The following CTTNBP2NL variants were observed in gnomAD, a reference collection of about 807,000 sequenced individuals.
The protein encoded by CTTNBP2NL is CTTNBP2 N-terminal-like protein.
CTTNBP2NL carries 16 observed loss-of-function variants against 32.5 expected under a neutral mutation model. The observed-to-expected ratio is 0.49, with a 90% CI of 0.33 to 0.75. The LOEUF is 0.75. CTTNBP2NL is among the 30% of genes least tolerant of loss of function. CTTNBP2NL has a pLI of 0.02. For synonymous variants in CTTNBP2NL, 298 were observed against 289.4 expected, an observed-to-expected ratio of 1.03 and a Z score of -0.30; for missense variants, 645 against 756.0, an observed-to-expected ratio of 0.85 and a Z score of 1.72.
At chr1:112,391,170 A>G in the CTTNBP2NL span, among the ~76,000 whole-genome samples, 1 of 152,224 alleles carries the variant, frequency 6.6e-6, no homozygotes, top group Non-Finnish European at 1.5e-5. Flanking sequence ...GCAGAAATGC[A>G]GGGGGCAGTG....
At chr1:112,441,986 A>T (rs1157258828) in intron 3 of CTTNBP2NL, among the ~76,000 whole-genome samples, 1 of 152,224 alleles carries the variant, frequency 6.6e-6, no homozygotes, top group Non-Finnish European at 1.5e-5. Flanking sequence ...AACTGGAACA[A>T]ATGTACCACT....
intron 4 of CTTNBP2NL, among the ~76,000 whole-genome samples, chr1:112,450,488 G>A (rs1168000786): frequency 6.6e-6 from 1 of 152,118 alleles, no homozygotes; most frequent in East Asian, 1.9e-4. Context: ...CCTAAATTGG[G>A]TGGAGGGGGA....
At chr1:112,419,537 A>G (rs953827834) in intron 3 of CTTNBP2NL, among the ~76,000 whole-genome samples, 12 of 141,770 alleles carry the variant, frequency 8.5e-5, no homozygotes, top group Admixed American at 5.2e-4. Flanking sequence ...AGTTGTATCC[A>G]AGTTGTGGCA....
chr1:112,445,444 T>C (rs753945414), intron 3 of CTTNBP2NL, among the ~76,000 whole-genome samples: 5 of 152,182 alleles, frequency 3.3e-5, no homozygotes, highest in African/African-American at 7.2e-5. Flanking sequence ...CCTGACTGAA[T>C]CATTAAGTTG....
chr1:112,395,839 C>T (rs1031721679), upstream of CTTNBP2NL, among the ~76,000 whole-genome samples: 5 of 152,228 alleles, frequency 3.3e-5, no homozygotes, highest in Non-Finnish European at 1.5e-5. Flanking sequence ...AAATCCCAAT[C>T]GATTAGGCCA....
At chr1:112,423,755 G>A (rs1277825523) in intron 3 of CTTNBP2NL, among the ~76,000 whole-genome samples, 5 of 152,118 alleles carry the variant, frequency 3.3e-5, no homozygotes, top group Non-Finnish European at 5.9e-5. Flanking sequence ...ACGGAGTCTC[G>A]CTGTGTCGCC....
At chr1:112,396,408 C>T (rs988662559) in intron 1 of CTTNBP2NL, 136 bp downstream of exon 1, 1 of 152,272 alleles carries the variant, frequency 6.6e-6, no homozygotes, top group African/African-American at 2.4e-5. Context: ...GGGGCGGGGC[C>T]GTCTCCTCCA....
chr1:112,394,365 G>A (rs764686028), upstream of CTTNBP2NL, among the ~76,000 whole-genome samples: 1 of 152,172 alleles, frequency 6.6e-6, no homozygotes, highest in Non-Finnish European at 1.5e-5. Context: ...CATAGGCAGA[G>A]CGAAAGGGAG....
intron 3 of CTTNBP2NL, among the ~76,000 whole-genome samples, chr1:112,426,803 A>G (rs1649418360): frequency 1.3e-5 from 2 of 151,964 alleles, no homozygotes; most frequent in Admixed American, 1.3e-4. Context: ...ACAAGGTTTC[A>G]CCATATTGGC....
At chr1:112,392,148 T>C (rs1648204964), upstream of CTTNBP2NL, among the ~76,000 whole-genome samples, 1 of 152,228 alleles carries the variant, frequency 6.6e-6, no homozygotes, top group Middle Eastern at 3.2e-3. Context: ...GGAGAGATGA[T>C]AGAGCATAGT....
intron 1 of CTTNBP2NL, among the ~76,000 whole-genome samples, chr1:112,397,036 T>A (rs1648351661): frequency 6.6e-6 from 1 of 152,212 alleles, no homozygotes; most frequent in African/African-American, 2.4e-5. Context: ...TGCGTTTCAT[T>A]TTTCCTTTTC....
intron 4 of CTTNBP2NL, among the ~76,000 whole-genome samples, chr1:112,449,959 C>A (rs899556059): frequency 2.0e-5 from 3 of 152,170 alleles, no homozygotes; most frequent in African/African-American, 7.2e-5. Flanking sequence ...AACTTGTCAT[C>A]TTGTCATTTA....
chr1:112,393,722 A>T (rs917278726), upstream of CTTNBP2NL, among the ~76,000 whole-genome samples: 5 of 152,220 alleles, frequency 3.3e-5, no homozygotes, highest in African/African-American at 1.2e-4. Flanking sequence ...GAATCCTACA[A>T]GGCAGGGATG....
chr1:112,439,488 C>T (rs1300462611), intron 3 of CTTNBP2NL, among the ~76,000 whole-genome samples: 1 of 152,174 alleles, frequency 6.6e-6, no homozygotes, highest in Non-Finnish European at 1.5e-5. Flanking sequence ...TACGCAGCTT[C>T]AGATCTCTCT....
intron 3 of CTTNBP2NL, among the ~76,000 whole-genome samples, chr1:112,444,484 A>C: frequency 6.6e-6 from 1 of 152,178 alleles, no homozygotes; most frequent in East Asian, 1.9e-4. Flanking sequence ...ATAAATGAGT[A>C]ATAGATGACT....
In CTTNBP2NL at chr1:112,452,335, C is replaced by CTTCTTTTTTTTTTTTTTTTTTTTTTT. The variant is rs1553227272; in HGVS notation, c.331-2112_331-2111insCTTTTTTTTTTTTTTTTTTTTTTTTT. On this transcript the variant is annotated intron_variant, in intron 4 of 5. Transcript: ENST00000271277. ...GCATACACCACAGCACCAGTCTCTT[C>CTTCTTTTTTTTTTTTTTTTTTTTTTT]TTTTTTTTTTTTTTTTTTTTTTTTT... Among the ~76,000 whole-genome samples the CTTCTTTTTTTTTTTTTTTTTTTTTTT allele has an allele frequency of 1.4e-4, 9 of 65,686 alleles. 1 individual carries two copies. The highest frequency in any genetic ancestry group is 4.9e-4 in the African/African-American group (8 of 16,384). The allele number at this position is 65,686 out of a possible 152,430, so 43.1% of individuals were successfully genotyped here. A position where few individuals can be genotyped will look rare whatever the true frequency, so the allele number is the denominator to read the frequency against.
intron 4 of CTTNBP2NL, among the ~76,000 whole-genome samples, chr1:112,449,551 T>TG (rs1471241512): frequency 6.6e-6 from 1 of 151,968 alleles, no homozygotes; most frequent in Non-Finnish European, 1.5e-5. Flanking sequence ...ATTTGAGGCA[T>TG]GCTATATCCA....
In CTTNBP2NL at chr1:112,453,298, A is replaced by T. The variant is rs115308825; in HGVS notation, c.331-1151A>T. Among the ~76,000 whole-genome samples, 949 of 152,246 alleles carry T rather than the reference A, an allele frequency of 6.2e-3. 6 individuals are homozygous for T. The highest frequency in any genetic ancestry group is 0.022 in the African/African-American group (908 of 41,552). On this transcript the variant is annotated intron_variant, in intron 4 of 5. Coordinates refer to ENST00000271277, the MANE Select transcript of CTTNBP2NL (RefSeq NM_018704.3). ...CCCAGAAAATTTACTCTCTTCACTC[A>T]TAAAAATTTTTAGTGAGAAGACTAA...
chr1:112,415,805 T>G (rs1447234899), intron 2 of CTTNBP2NL: 1 of 249,054 alleles, frequency 4.0e-6, no homozygotes, highest in Non-Finnish European at 7.7e-6. Context: ...TCCGCCCACC[T>G]TAGCCTCCCA....
Sources: allele counts gnomAD v4.1 joint callset (sites outside exome capture counted in the v4.1 genomes callset), GRCh38; gene constraint gnomAD v4.1.1; transcripts MANE v1.5; gene names NCBI Gene and HGNC (gene_info 2026-07-23, HGNC 2026-07-21).